Variants in TRPM3 observed in about 807,000 individuals in gnomAD.
TRPM3 encodes the protein transient receptor potential cation channel subfamily M member 3, also known as long transient receptor potential channel 3.
Under a neutral mutation model 181.2 loss-of-function variants are expected in TRPM3, and 77 were observed. The observed-to-expected ratio is 0.42, with a 90% CI of 0.35 to 0.51. The LOEUF (loss-of-function observed/expected upper bound fraction) is 0.51. Among genes scored for constraint, TRPM3 ranks in the 20% least tolerant of loss-of-function variants. TRPM3 has a pLI of 0.01. For missense variants in TRPM3, 1,759 were observed against 2,196.7 expected (o/e 0.80, Z 3.98); for synonymous variants, 745 against 796.4 (o/e 0.94, Z 1.09).
intron 1 of TRPM3, among the ~76,000 whole-genome samples, chr9:70,928,350 T>G (rs1440275838): frequency 6.6e-6 from 1 of 152,198 alleles, no homozygotes; most frequent in Non-Finnish European, 1.5e-5. Flanking sequence ...AATTGCCTTC[T>G]CTTTCCAGTT....
chr9:70,897,415 C>T lies in TRPM3; in HGVS notation c.178-32904G>A, dbSNP rs1450506441. The stretch of plus-strand genomic sequence containing the variant: ...CAAGCACAGAAAGAGCAATATTGTA[C>T]ATTCTTACTCATATGATCATACTTT... On this transcript the variant is annotated intron_variant, in intron 1 of 25. Coordinates refer to ENST00000677713, the MANE Select transcript of TRPM3 (RefSeq NM_001366145.2). Among the ~76,000 whole-genome samples, 18 of 150,996 alleles carry T rather than the reference C, an allele frequency of 1.2e-4. No homozygotes were observed. The East Asian group carries it at 3.1e-3, about 26-fold the overall frequency.
At position 70,530,444 on chromosome 9, in the gene TRPM3, A is replaced by T. The variant is rs1210524962; in HGVS notation, c.*5509T>A. ...CTCTTTACAAAGCCTATGGACTTCT[A>T]GCCATACACATGTCTTTTCAGTTTC... On this transcript the variant is annotated 3_prime_UTR_variant, in exon 26 of 26. Coordinates refer to ENST00000677713, the MANE Select transcript of TRPM3 (RefSeq NM_001366145.2). 6.6e-6 allele frequency: 1 copy of T among 152,272 alleles called. No homozygotes were observed. The highest frequency in any genetic ancestry group is 1.5e-5 in the Non-Finnish European group (1 of 68,078). The allele number at this position is 152,272 out of a possible 1,614,324, so 9.4% of individuals were successfully genotyped here.
rs150685992 is a variant in TRPM3, at chr9:70,698,743, G to A, written c.1273-17165C>T. On this transcript the variant is annotated intron_variant, in intron 8 of 25. Transcript: ENST00000677713. The stretch of plus-strand genomic sequence containing the variant: ...AATGGTTTAGCACCATCCCCCCTTG[G>A]TACTGTATAGTGAGTGAGTTCTCAT... 6.9e-3 allele frequency among the ~76,000 whole-genome samples: 1,056 copies of A among 152,102 alleles called. 4 individuals carry two copies. The highest frequency in any genetic ancestry group is 0.014 in the Middle Eastern group (4 of 294).
intron 1 of TRPM3, among the ~76,000 whole-genome samples, chr9:71,420,031 T>C (rs766234268): frequency 1.1e-4 from 16 of 152,052 alleles, no homozygotes; most frequent in Non-Finnish European, 2.2e-4. Flanking sequence ...AGTCCAATTA[T>C]ACATTCAGAT....
chr9:70,865,577 C>T (rs2095632801), intron 1 of TRPM3: 1 of 152,096 alleles, frequency 6.6e-6, no homozygotes, highest in African/African-American at 2.4e-5. Context: ...TATAAGCCCC[C>T]ATGTGTTGAA....
intron 7 of TRPM3, among the ~76,000 whole-genome samples, chr9:70,777,860 T>A (rs1194235469): frequency 6.6e-6 from 1 of 152,152 alleles, no homozygotes; most frequent in African/African-American, 2.4e-5. Flanking sequence ...TCTTTAAGTC[T>A]TCACTTAAAT....
rs11142630 is a variant in TRPM3 at position 70,861,895 on chromosome 9, T to G, written c.462+1013A>C. ...CATAGAAAAGAAGTGTTAAAATAGC[T>G]CAGTCAGCCATTCGTGGTAAAGAAA... On this transcript the variant is annotated intron_variant, in intron 3 of 25. Coordinates refer to ENST00000677713, the MANE Select transcript of TRPM3 (RefSeq NM_001366145.2). 7.9e-3 allele frequency among the ~76,000 whole-genome samples: 1,033 copies of G among 131,294 alleles called. 9 individuals carry two copies. The highest frequency in any genetic ancestry group is 0.028 in the African/African-American group (960 of 33,804). The allele number at this position is 131,294 out of a possible 152,430, so 86.1% of individuals were successfully genotyped here. A position where few individuals can be genotyped will look rare whatever the true frequency, so the allele number is the denominator to read the frequency against.
At chr9:71,395,005 G>C (rs2093156608) in intron 1 of TRPM3, among the ~76,000 whole-genome samples, 1 of 152,126 alleles carries the variant, frequency 6.6e-6, no homozygotes, top group Non-Finnish European at 1.5e-5. Context: ...CCTGCAACTG[G>C]AAGTACCACT....
At chr9:71,302,063 C>T (rs1409111581) in intron 1 of TRPM3, among the ~76,000 whole-genome samples, 4 of 151,768 alleles carry the variant, frequency 2.6e-5, no homozygotes, top group Non-Finnish European at 4.4e-5. Context: ...ATAGCAAACT[C>T]CAAATGTCTA....
chr9:71,258,280 T>C (rs1565393065), intron 1 of TRPM3, among the ~76,000 whole-genome samples: 1 of 152,216 alleles, frequency 6.6e-6, no homozygotes, highest in Non-Finnish European at 1.5e-5. Context: ...AAGTTCATGC[T>C]GCTGGTTGGA....
chr9:71,231,611 C>T (rs2081055704), intron 1 of TRPM3, among the ~76,000 whole-genome samples: 2 of 152,164 alleles, frequency 1.3e-5, no homozygotes, highest in Non-Finnish European at 2.9e-5. Flanking sequence ...ATGACACATA[C>T]AAATGTTTCC....
chr9:71,364,654 G>C (rs1367113941), intron 1 of TRPM3, among the ~76,000 whole-genome samples: 2 of 152,214 alleles, frequency 1.3e-5, no homozygotes, highest in African/African-American at 4.8e-5. Flanking sequence ...CTAGGAGGCA[G>C]GAGGTGGTAA....
At chr9:70,579,074 G>A (rs2054858687) in intron 22 of TRPM3, 1 of 152,214 alleles carries the variant, frequency 6.6e-6, no homozygotes, top group Non-Finnish European at 1.5e-5. Flanking sequence ...AAGTAAGCAT[G>A]TTTGAGAGTA....
intron 1 of TRPM3, among the ~76,000 whole-genome samples, chr9:71,339,894 C>T (rs1279290736): frequency 6.6e-6 from 1 of 152,028 alleles, no homozygotes; most frequent in African/African-American, 2.4e-5. Flanking sequence ...TTTACAAAAA[C>T]AGATTGTAGG....
intron 5 of TRPM3, among the ~76,000 whole-genome samples, chr9:70,839,973 T>TTACCA (rs2131937919): frequency 6.6e-6 from 1 of 152,302 alleles, no homozygotes; most frequent in Non-Finnish European, 1.5e-5. Context: ...GTTGCGACTG[T>TTACCA]GTAAGAAGCT....
At chr9:71,343,039 G>T (rs911219436) in intron 1 of TRPM3, among the ~76,000 whole-genome samples, 1 of 151,860 alleles carries the variant, frequency 6.6e-6, no homozygotes, top group African/African-American at 2.4e-5. Context: ...TTTGCCAAAG[G>T]AAACACAAGA....
chr9:71,426,682 C>T (rs538105403), intron 1 of TRPM3, among the ~76,000 whole-genome samples: 2 of 152,284 alleles, frequency 1.3e-5, no homozygotes, highest in African/African-American at 4.8e-5. Flanking sequence ...ATAAATTATA[C>T]AGATGCTTCA....
At chr9:71,165,141 T>A (rs1008541332) in intron 1 of TRPM3, among the ~76,000 whole-genome samples, 4 of 152,164 alleles carry the variant, frequency 2.6e-5, no homozygotes, top group Non-Finnish European at 5.9e-5. Flanking sequence ...AAATCTCAGC[T>A]TCACCTCTTA....
At chr9:70,614,242 C>G (rs1028605401) in intron 18 of TRPM3, among the ~76,000 whole-genome samples, 1 of 151,184 alleles carries the variant, frequency 6.6e-6, no homozygotes, top group African/African-American at 2.4e-5. Flanking sequence ...CACCTGTAAT[C>G]CCAGCACTAT....
Sources: gnomAD v4.1 joint callset for allele counts (sites outside exome capture counted in the v4.1 genomes callset) on GRCh38, gnomAD v4.1.1 for gene constraint, MANE v1.5 for transcripts, NCBI Gene and HGNC (gene_info 2026-07-23, HGNC 2026-07-21) for gene names.